ELAPOR2: variants seen among roughly 807,000 people sequenced by gnomAD.
ELAPOR2 encodes endosome-lysosome associated apoptosis and autophagy regulator family member 2, also known as endosome/lysosome-associated apoptosis and autophagy regulator family member 2.
A neutral mutation model predicts 120.7 loss-of-function variants in ELAPOR2; 89 were observed. That is an observed-to-expected ratio of 0.74 (90% CI 0.62 to 0.88). The LOEUF is 0.88. Ranked by LOEUF, ELAPOR2 falls within the 40% of genes least tolerant of loss-of-function variation. The probability of loss-of-function intolerance (pLI) is 0.00; values close to 1 mark genes in which losing one functional copy is unlikely to be tolerated. For synonymous variants in ELAPOR2, 444 were observed against 444.9 expected, an observed-to-expected ratio of 1.00 and a Z score of 0.03; for missense variants, 1,134 against 1,251.6, an observed-to-expected ratio of 0.91 and a Z score of 1.42.
At chr7:86,925,097 TACA>T (rs1330560262) in intron 10 of ELAPOR2, among the ~76,000 whole-genome samples, 1 of 151,986 alleles carries the variant, frequency 6.6e-6, no homozygotes, top group Non-Finnish European at 1.5e-5. Flanking sequence ...ACTTTGTAAA[TACA>T]ATCATAGACT....
intron 1 of ELAPOR2, among the ~76,000 whole-genome samples, chr7:86,985,949 A>G (rs1279144631): frequency 1.3e-5 from 2 of 152,036 alleles, no homozygotes; most frequent in African/African-American, 2.4e-5. Context: ...CTCACAGCCA[A>G]TATCATACTG....
At chr7:86,964,233 C>A (rs974088293) in intron 2 of ELAPOR2, among the ~76,000 whole-genome samples, 1 of 143,984 alleles carries the variant, frequency 6.9e-6, no homozygotes, top group Non-Finnish European at 1.5e-5. Context: ...CTGCAGGAAC[C>A]CCTAACTCAC....
chr7:86,970,593 G>T (rs956876089), intron 1 of ELAPOR2, among the ~76,000 whole-genome samples: 1 of 152,158 alleles, frequency 6.6e-6, no homozygotes, highest in Non-Finnish European at 1.5e-5. Flanking sequence ...GAGTGTGCAT[G>T]CCTCATTCTA....
chr7:87,024,500 A>T (rs1050237780), intron 1 of ELAPOR2, among the ~76,000 whole-genome samples: 2 of 152,106 alleles, frequency 1.3e-5, no homozygotes, highest in Non-Finnish European at 2.9e-5. Flanking sequence ...ATCAATGTTC[A>T]TCAGGGATAT....
chr7:86,890,103 T>C (rs1051531123), intron 21 of ELAPOR2, among the ~76,000 whole-genome samples: 1 of 151,752 alleles, frequency 6.6e-6, no homozygotes, highest in African/African-American at 2.4e-5. Flanking sequence ...AGTGGGGAAA[T>C]AAAGGGAAAA....
At chr7:86,892,851 G>A (rs927100892) in intron 20 of ELAPOR2, 71 bp downstream of exon 20, 17 of 1,306,402 alleles carry the variant, frequency 1.3e-5, no homozygotes, top group Non-Finnish European at 1.5e-5. Context: ...TGGATATAAT[G>A]ATCAAGTCTA....
At chr7:86,891,691 C>G (rs200730802) in intron 21 of ELAPOR2, 33 bp downstream of exon 21, 2 of 1,581,768 alleles carry the variant, frequency 1.3e-6, no homozygotes, top group Non-Finnish European at 1.7e-6. Context: ...TTTATAAACA[C>G]CCAGTAACAC....
chr7:87,029,763 CTCAG>C (rs1794368849), intron 1 of ELAPOR2, among the ~76,000 whole-genome samples: 1 of 152,050 alleles, frequency 6.6e-6, no homozygotes, highest in African/African-American at 2.4e-5. Flanking sequence ...GATAAGATCA[CTCAG>C]ACAGGATATC....
At chr7:86,924,407 A>ACAC (rs1562925116) in intron 10 of ELAPOR2, among the ~76,000 whole-genome samples, 1 of 151,392 alleles carries the variant, frequency 6.6e-6, no homozygotes, top group African/African-American at 2.4e-5. Context: ...ACACACACAC[A>ACAC]AATGTATTAG....
chr7:86,923,916 CTG>C (rs1386664360), intron 10 of ELAPOR2, among the ~76,000 whole-genome samples: 3 of 152,048 alleles, frequency 2.0e-5, no homozygotes, highest in African/African-American at 7.2e-5. Flanking sequence ...TGTTCTGTAA[CTG>C]TGTGAAAATC....
chr7:86,983,406 T>A (rs1273196838), intron 1 of ELAPOR2, among the ~76,000 whole-genome samples: 2 of 151,782 alleles, frequency 1.3e-5, no homozygotes, highest in Non-Finnish European at 2.9e-5. Flanking sequence ...AAGGTTGAAA[T>A]GAAGGAAAAA....
chr7:86,964,292 T>C (rs1266836682), intron 2 of ELAPOR2, among the ~76,000 whole-genome samples: 1 of 152,210 alleles, frequency 6.6e-6, no homozygotes, highest in Non-Finnish European at 1.5e-5. Context: ...TAAGTGAAAA[T>C]AAATTTACAT....
At chr7:86,884,336 T>C (rs192841290) in intron 21 of ELAPOR2, among the ~76,000 whole-genome samples, 1 of 152,290 alleles carries the variant, frequency 6.6e-6, no homozygotes, top group East Asian at 1.9e-4. Flanking sequence ...CCCGAAAGAC[T>C]TCCTCATTCA....
chr7:86,955,394 T>C (rs1791430645), intron 2 of ELAPOR2, among the ~76,000 whole-genome samples: 1 of 152,120 alleles, frequency 6.6e-6, no homozygotes, highest in South Asian at 2.1e-4. Flanking sequence ...GGGAATTTTT[T>C]TTTTATCCTG....
intron 2 of ELAPOR2, among the ~76,000 whole-genome samples, chr7:86,955,302 G>T (rs770759150): frequency 1.3e-5 from 2 of 152,042 alleles, no homozygotes; most frequent in African/African-American, 4.8e-5. Context: ...ATTAAAACAG[G>T]CCATTTCTTG....
At chr7:87,037,197 T>C (rs530237621) in intron 1 of ELAPOR2, among the ~76,000 whole-genome samples, 1 of 152,226 alleles carries the variant, frequency 6.6e-6, no homozygotes, top group South Asian at 2.1e-4. Flanking sequence ...TCAACATCAA[T>C]GGCTTCAATT....
chr7:87,043,943 A>G (rs1794864197), intron 1 of ELAPOR2, among the ~76,000 whole-genome samples: 2 of 151,742 alleles, frequency 1.3e-5, no homozygotes, highest in Admixed American at 6.6e-5. Flanking sequence ...TACAAAAATC[A>G]CAAGCATTCT....
In ELAPOR2 at chr7:86,974,580, A is replaced by AGTGTGTGTGTGTGT. The variant is rs35712048; in HGVS notation, c.190-9570_190-9557dup. On this transcript the variant is annotated intron_variant, in intron 1 of 21. Coordinates refer to ENST00000450689, the MANE Select transcript of ELAPOR2 (RefSeq NM_001142749.3). ...TAAAGCAATATATCTGAACCCCTGT[A>AGTGTGTGTGTGTGT]GTGTGTGTGTGTGTGTGTGTGTGTG... Among the ~76,000 whole-genome samples, 580 of 138,818 alleles carry AGTGTGTGTGTGTGT rather than the reference A, an allele frequency of 4.2e-3. 3 individuals carry two copies. Among genetic ancestry groups the AGTGTGTGTGTGTGT allele is most frequent in the Middle Eastern group, 0.018 (5 of 276 alleles). The allele number at this position is 138,818 out of a possible 152,430, so 91.1% of individuals were successfully genotyped here.
intron 2 of ELAPOR2, among the ~76,000 whole-genome samples, chr7:86,960,425 G>A (rs1472536783): frequency 1.3e-5 from 2 of 152,004 alleles, no homozygotes; most frequent in African/African-American, 2.4e-5. Context: ...TGATTTTTTT[G>A]TATTTTTAGT....
Sources: allele counts gnomAD v4.1 joint callset (sites outside exome capture counted in the v4.1 genomes callset), GRCh38; gene constraint gnomAD v4.1.1; transcripts MANE v1.5; gene names NCBI Gene and HGNC (gene_info 2026-07-23, HGNC 2026-07-21).